The following CCDC178 variants were observed in gnomAD, a reference collection of about 807,000 sequenced individuals.
CCDC178 encodes coiled-coil domain-containing protein 178.
A neutral mutation model predicts 117.4 loss-of-function variants in CCDC178; 126 were observed. The ratio of observed to expected loss-of-function variants is 1.07; its 90% CI spans 0.93 to 1.24. The LOEUF (loss-of-function observed/expected upper bound fraction) is 1.24, where lower values mean the gene tolerates loss of function less well. Among genes scored for constraint, CCDC178 ranks in the 50% most tolerant of loss-of-function variants. CCDC178 has a pLI of 0.00. For synonymous variants in CCDC178, 283 were observed against 313.4 expected (o/e 0.90, Z 1.02); for missense variants, 1,030 against 986.9 (o/e 1.04, Z -0.59).
chr18:33,403,095 C>T (rs1436876113), intron 3 of CCDC178, among the ~76,000 whole-genome samples: 1 of 152,124 alleles, frequency 6.6e-6, no homozygotes, highest in Non-Finnish European at 1.5e-5. Context: ...ACAGAAAAGA[C>T]CCATGAAAGC....
chr18:33,019,934 T>G (rs1284463712), intron 21 of CCDC178, among the ~76,000 whole-genome samples: 1 of 146,648 alleles, frequency 6.8e-6, no homozygotes, highest in Non-Finnish European at 1.5e-5. Flanking sequence ...ATTATTATTA[T>G]TATTATTATT....
At chr18:33,094,168 G>T (rs998702420) in intron 20 of CCDC178, among the ~76,000 whole-genome samples, 5 of 151,936 alleles carry the variant, frequency 3.3e-5, no homozygotes, top group Non-Finnish European at 7.4e-5. Context: ...TTATGTCATA[G>T]CTATTCTTCA....
intron 21 of CCDC178, among the ~76,000 whole-genome samples, chr18:32,977,209 A>C (rs544571256): frequency 3.2e-4 from 48 of 152,280 alleles, no homozygotes; most frequent in African/African-American, 1.1e-3. Flanking sequence ...AGGTTATTCA[A>C]TTCCGTCTAA....
chr18:33,192,460 G>C (rs935140419), intron 20 of CCDC178, among the ~76,000 whole-genome samples: 1 of 152,108 alleles, frequency 6.6e-6, no homozygotes, highest in Non-Finnish European at 1.5e-5. Flanking sequence ...ACATGATGTG[G>C]ACATTAATAA....
chr18:33,244,465 G>A (rs1276757905), intron 15 of CCDC178, among the ~76,000 whole-genome samples: 2 of 151,782 alleles, frequency 1.3e-5, no homozygotes, highest in South Asian at 2.1e-4. Flanking sequence ...ATTGAATCAT[G>A]AGGCATTTCC....
chr18:33,151,407 T>C (rs764665117), intron 20 of CCDC178, among the ~76,000 whole-genome samples: 3 of 152,144 alleles, frequency 2.0e-5, no homozygotes, highest in Non-Finnish European at 4.4e-5. Flanking sequence ...AAAATACTTC[T>C]AACTCAAAAA....
At chr18:33,231,950 T>A (rs1378550253) in intron 15 of CCDC178, among the ~76,000 whole-genome samples, 1 of 152,180 alleles carries the variant, frequency 6.6e-6, no homozygotes, top group Admixed American at 6.5e-5. Context: ...CATTTGCTAT[T>A]CCTGTGTTCT....
In CCDC178 at chr18:33,119,497, G is replaced by A. The variant is rs549021339; in HGVS notation, c.2239-26587C>T. On this transcript the variant is annotated intron_variant, in intron 20 of 22. Coordinates refer to ENST00000383096, the MANE Select transcript of CCDC178 (RefSeq NM_001105528.4). Reference sequence around the variant, plus strand: ...AAACCACAGTGAGATACCATCTCACGTCAGTTACAATGGCGATCATTAAAA... The same window carrying A: ...AAACCACAGTGAGATACCATCTCACATCAGTTACAATGGCGATCATTAAAA... 5.3e-3 allele frequency among the ~76,000 whole-genome samples: 810 copies of A among 151,926 alleles called. 3 individuals are homozygous for A. Among genetic ancestry groups the A allele is most frequent in the Middle Eastern group, 0.014 (4 of 294 alleles).
intron 20 of CCDC178, among the ~76,000 whole-genome samples, chr18:33,119,009 C>A (rs2057898267): frequency 6.6e-6 from 1 of 152,112 alleles, no homozygotes; most frequent in Admixed American, 6.6e-5. Flanking sequence ...AACTGGATCC[C>A]TTCCTTACAC....
intron 12 of CCDC178, among the ~76,000 whole-genome samples, chr18:33,288,392 CCT>C (rs371478846): frequency 3.0e-4 from 32 of 106,414 alleles, no homozygotes; most frequent in Admixed American, 2.2e-3. Context: ...CCTCTCCCCC[CCT>C]CCCCTTCCTT....
intron 22 of CCDC178, among the ~76,000 whole-genome samples, chr18:32,951,857 C>T (rs558738630): frequency 2.6e-5 from 4 of 152,324 alleles, no homozygotes; most frequent in African/African-American, 7.2e-5. Context: ...ATTGGGTTAA[C>T]ACACCCATTC....
chr18:33,408,341 A>G (rs1036216236), intron 3 of CCDC178, among the ~76,000 whole-genome samples: 2 of 152,058 alleles, frequency 1.3e-5, no homozygotes, highest in African/African-American at 2.4e-5. Context: ...TCAACAGGGC[A>G]CACACACAAA....
At chr18:33,301,943 A>G (rs2062182744) in intron 11 of CCDC178, among the ~76,000 whole-genome samples, 2 of 152,136 alleles carry the variant, frequency 1.3e-5, no homozygotes. Flanking sequence ...GTGGAATGAT[A>G]TAGTTTAAAT....
chr18:33,076,326 T>C (rs1280844006), intron 21 of CCDC178, among the ~76,000 whole-genome samples: 2 of 152,156 alleles, frequency 1.3e-5, no homozygotes, highest in Non-Finnish European at 2.9e-5. Context: ...TTAGCAGACA[T>C]TGCTCTTAAG....
At chr18:33,091,319 T>C (rs1280919343) in intron 21 of CCDC178, among the ~76,000 whole-genome samples, 2 of 138,918 alleles carry the variant, frequency 1.4e-5, no homozygotes, top group African/African-American at 5.3e-5. Context: ...CACACTTATT[T>C]CATTCTTTTT....
At chr18:33,044,743 A>G (rs570980219) in intron 21 of CCDC178, among the ~76,000 whole-genome samples, 2 of 152,310 alleles carry the variant, frequency 1.3e-5, no homozygotes, top group African/African-American at 4.8e-5. Context: ...CATAATAGCA[A>G]AGATCTGGAA....
intron 22 of CCDC178, among the ~76,000 whole-genome samples, chr18:32,961,988 T>C (rs2054713777): frequency 9.9e-6 from 1 of 101,502 alleles, no homozygotes; most frequent in South Asian, 4.1e-4. Flanking sequence ...TTTCTGTTTT[T>C]TCTTTACTGT....
At position 33,225,032 on chromosome 18, in the gene CCDC178, T is replaced by A; in HGVS notation, c.1657-96A>T. ...ACAGGCAGTAATATTTGTTTTTATT[T>A]GAAAATCAAATAATACAATAAATGT... On this transcript the variant is annotated intron_variant, in intron 16 of 22. Coordinates refer to ENST00000383096, the MANE Select transcript of CCDC178 (RefSeq NM_001105528.4). 6.1e-6 allele frequency: 5 copies of A among 820,528 alleles called. 1 individual carries two copies. The South Asian group carries it at 1.9e-4, about 31-fold the overall frequency. The allele number at this position is 820,528 out of a possible 1,614,324, so 50.8% of individuals were successfully genotyped here.
chr18:33,317,345 G>A (rs1056203698), intron 11 of CCDC178, among the ~76,000 whole-genome samples: 3 of 151,966 alleles, frequency 2.0e-5, no homozygotes, highest in Non-Finnish European at 4.4e-5. Flanking sequence ...TCCTGAGCCA[G>A]CAAGACCACG....
Sources: allele counts gnomAD v4.1 joint callset (sites outside exome capture counted in the v4.1 genomes callset), GRCh38; gene constraint gnomAD v4.1.1; transcripts MANE v1.5; gene names NCBI Gene and HGNC (gene_info 2026-07-23, HGNC 2026-07-21).